Variants in ATAD2B observed in about 807,000 individuals in gnomAD.
ATAD2B encodes the protein ATPase family AAA domain-containing protein 2B.
Under a neutral mutation model 167.6 loss-of-function variants are expected in ATAD2B, and 40 were observed. The observed-to-expected ratio is 0.24, with a 90% CI of 0.19 to 0.31. The LOEUF is 0.31. Among genes scored for constraint, ATAD2B ranks in the 10% least tolerant of loss-of-function variants. The pLI is 1.00. For synonymous variants in ATAD2B, 579 were observed against 596.5 expected, an observed-to-expected ratio of 0.97 and a Z score of 0.43; for missense variants, 1,242 against 1,757.2, an observed-to-expected ratio of 0.71 and a Z score of 5.24.
chr2:23,747,120 T>C (rs1056135807), downstream of ATAD2B, among the ~76,000 whole-genome samples: 11 of 152,070 alleles, frequency 7.2e-5, no homozygotes, highest in African/African-American at 2.7e-4. Context: ...TAAATAAGCA[T>C]CTACTGAATC....
intron 17 of ATAD2B, among the ~76,000 whole-genome samples, chr2:23,816,332 T>G (rs1371883077): frequency 1.3e-5 from 2 of 152,182 alleles, no homozygotes; most frequent in African/African-American, 4.8e-5. Context: ...GATAGTGGTG[T>G]AAAGATGTAT....
chr2:23,697,673 G>A, the ATAD2B span: 1 of 152,164 alleles, frequency 6.6e-6, no homozygotes, highest in African/African-American at 2.4e-5. Flanking sequence ...CCTCCCCCAA[G>A]TAGAGCCCAG....
At chr2:23,745,445 G>A (rs916349302), downstream of ATAD2B, among the ~76,000 whole-genome samples, 2 of 147,326 alleles carry the variant, frequency 1.4e-5, no homozygotes, top group South Asian at 2.2e-4. Flanking sequence ...GGGAAGGGAA[G>A]GGAAGGGAAG....
intron 13 of ATAD2B, among the ~76,000 whole-genome samples, chr2:23,845,228 G>A (rs895835503): frequency 3.9e-5 from 6 of 152,188 alleles, no homozygotes; most frequent in South Asian, 2.1e-4. Flanking sequence ...ACCCAAGAGC[G>A]ATAAAAAATA....
At chr2:23,795,224 T>C (rs1336668216) in intron 19 of ATAD2B, among the ~76,000 whole-genome samples, 1 of 152,250 alleles carries the variant, frequency 6.6e-6, no homozygotes, top group African/African-American at 2.4e-5. Flanking sequence ...TTAACATTTC[T>C]GTGTATATCC....
In ATAD2B at chr2:23,810,331, C is replaced by T. The variant is rs1189008157; in HGVS notation, c.2439G>A (p.Glu813=). 5.6e-6 allele frequency: 9 copies of T among 1,613,486 alleles called. No individual in the cohort carries two copies. The highest frequency in any genetic ancestry group is 5.9e-6 in the Non-Finnish European group (7 of 1,179,642). The change falls in exon 18 of 28, where the codon GAG becomes GAA. Residue 813 remains glutamate (E), a synonymous_variant. Transcript: ENST00000238789. ...ALYSVSAKTP[E]ESCAQIFREA... ...ACAAACCTACCTGTGCACATGATTC[C>T]TCAGGTGTTTTGGCACTAACTGAAT... is the stretch of plus-strand genomic sequence containing the variant.
chr2:23,899,987 C>T (rs1422638054), intron 1 of ATAD2B, among the ~76,000 whole-genome samples: 1 of 135,618 alleles, frequency 7.4e-6, no homozygotes, highest in African/African-American at 2.8e-5. Flanking sequence ...ACAGTGGTCT[C>T]GGCTCACTGC....
intron 13 of ATAD2B, among the ~76,000 whole-genome samples, chr2:23,842,774 C>G (rs1691133326): frequency 6.6e-6 from 1 of 152,160 alleles, no homozygotes; most frequent in Non-Finnish European, 1.5e-5. Flanking sequence ...AAGGAGCAGA[C>G]TCAAAGGATC....
chr2:23,777,114 A>G (rs922786674), intron 22 of ATAD2B, among the ~76,000 whole-genome samples: 1 of 152,300 alleles, frequency 6.6e-6, no homozygotes. Flanking sequence ...GGAAAAGGCC[A>G]TGTGAGGACA....
intron 22 of ATAD2B, among the ~76,000 whole-genome samples, chr2:23,769,424 A>T (rs187219876): frequency 6.6e-5 from 10 of 152,200 alleles, no homozygotes; most frequent in Non-Finnish European, 1.3e-4. Context: ...TGGGTGACAG[A>T]GGAAGACAGC....
At chr2:23,759,463 C>G (rs1676385748) in intron 24 of ATAD2B, among the ~76,000 whole-genome samples, 1 of 152,126 alleles carries the variant, frequency 6.6e-6, no homozygotes, top group African/African-American at 2.4e-5. Context: ...AATCTATCAA[C>G]AGTGTAGTGT....
At chr2:23,853,248 A>G (rs1055053593) in intron 13 of ATAD2B, among the ~76,000 whole-genome samples, 9 of 152,200 alleles carry the variant, frequency 5.9e-5, no homozygotes, top group Non-Finnish European at 1.0e-4. Flanking sequence ...AATAAGAAAA[A>G]GAAATAAAAG....
Position 23,786,235 on chromosome 2 carries a change from A to C in ATAD2B, c.2777-12T>G. The C allele has an allele frequency of 1.3e-6, 2 of 1,551,724 alleles. No individual in the cohort carries two copies. The highest frequency in any genetic ancestry group is 2.7e-5 in the African/African-American group (2 of 72,946). The stretch of plus-strand genomic sequence containing the variant: ...CATAGCACAAAGAGCTAGAGAAAAC[A>C]GAAGAAAATGTTAAGATTCCAACGT... On this transcript the variant is annotated splice_polypyrimidine_tract_variant and intron_variant, in intron 20 of 27. Transcript: ENST00000238789.
At chr2:23,768,149 T>A (rs1677729159) in intron 22 of ATAD2B, among the ~76,000 whole-genome samples, 1 of 152,186 alleles carries the variant, frequency 6.6e-6, no homozygotes, top group Non-Finnish European at 1.5e-5. Flanking sequence ...TATTGAAGCA[T>A]AATAGACATA....
rs1379783825 is a variant in ATAD2B at position 23,788,607 on chromosome 2, T to C, written c.2681A>G (p.Tyr894Cys). The C allele has an allele frequency of 3.1e-6, 5 of 1,603,374 alleles. No individual in the cohort carries two copies. The highest frequency in any genetic ancestry group is 4.3e-6 in the Non-Finnish European group (5 of 1,170,688). Residue 894 changes from tyrosine to cysteine, a missense_variant, in exon 20 of 28, where the codon TAT becomes TGT. This residue lies in a region of ATAD2B where 204 missense variants were observed against 324.0 expected (regional missense o/e 0.63). Coordinates refer to ENST00000238789, the MANE Select transcript of ATAD2B (RefSeq NM_017552.4). The stretch of plus-strand genomic sequence containing the variant: ...GTCTTCTTCAATAGGCCTTTGAATA[T>C]ACAAGACCTCTTCATACTGTATTCT... ...IFRIQYEEVL[Y>C]IQRPIEEDRR...
At chr2:23,817,419 T>C (rs957397742) in intron 17 of ATAD2B, among the ~76,000 whole-genome samples, 1 of 152,196 alleles carries the variant, frequency 6.6e-6, no homozygotes, top group Admixed American at 6.5e-5. Context: ...AAGTATCTAA[T>C]TTGTAAAAAG....
At chr2:23,738,994 A>C in the ATAD2B span, among the ~76,000 whole-genome samples, 1 of 152,240 alleles carries the variant, frequency 6.6e-6, no homozygotes, top group South Asian at 2.1e-4. Flanking sequence ...CAACAAGAAG[A>C]ACTAACTATC....
intron 3 of ATAD2B, 56 bp from the exon 4 acceptor site, chr2:23,888,041 GA>G (rs34093830): frequency 2.0e-4 from 237 of 1,192,766 alleles, no homozygotes; most frequent in South Asian, 4.5e-4. Context: ...AGACAGAAAA[GA>G]AAAAAAAAAT....
intron 1 of ATAD2B, among the ~76,000 whole-genome samples, chr2:23,920,805 A>AT (rs1703803659): frequency 1.3e-5 from 2 of 151,926 alleles, no homozygotes; most frequent in South Asian, 4.1e-4. Context: ...AAAATTCCCA[A>AT]TTTTTTTTAC....
Sources: gnomAD v4.1 joint callset for allele counts (sites outside exome capture counted in the v4.1 genomes callset) on GRCh38, gnomAD v4.1.1 for gene constraint, gnomAD v4.1.1 regional missense constraint, MANE v1.5 for transcripts, NCBI Gene and HGNC (gene_info 2026-07-23, HGNC 2026-07-21) for gene names.